The following ARHGEF18 variants were observed in gnomAD, a reference collection of about 807,000 sequenced individuals.
ARHGEF18 encodes Rho/Rac guanine nucleotide exchange factor 18.
A neutral mutation model predicts 155.7 loss-of-function variants in ARHGEF18; 93 were observed. The ratio of observed to expected loss-of-function variants is 0.60; its 90% confidence interval spans 0.50 to 0.71. The LOEUF (loss-of-function observed/expected upper bound fraction) is 0.71, where lower values mean the gene tolerates loss of function less well. Ranked by LOEUF, ARHGEF18 falls within the 30% of genes least tolerant of loss-of-function variation. ARHGEF18 has a pLI of 0.00. For synonymous variants in ARHGEF18, 742 were observed against 753.1 expected (o/e 0.99, Z 0.24); for missense variants, 1,593 against 1,816.1 (o/e 0.88, Z 2.23).
At chr19:7,362,650 C>T in intron 1 of ARHGEF18, 131 bp from the exon 2 acceptor site, 1 of 806,860 alleles carries the variant, frequency 1.2e-6, no homozygotes, top group Non-Finnish European at 1.7e-6. Context: ...CTTCCCCCTC[C>T]CCTCACCAAC....
At chr19:7,365,850 C>G (rs1969864386) in intron 2 of ARHGEF18, among the ~76,000 whole-genome samples, 1 of 152,218 alleles carries the variant, frequency 6.6e-6, no homozygotes, top group Admixed American at 6.5e-5. Flanking sequence ...TGGTCCCCGT[C>G]ATGGCTCCCC....
chr19:7,417,129 C>A (rs1032661593), intron 10 of ARHGEF18, among the ~76,000 whole-genome samples: 1 of 152,052 alleles, frequency 6.6e-6, no homozygotes, highest in Non-Finnish European at 1.5e-5. Context: ...AGGCTGGTCT[C>A]GAACTCCTGA....
rs201984212 is a variant in ARHGEF18, at chr19:7,468,937, C to T, written c.3593C>T (p.Ala1198Val). Residue 1198 changes from alanine (A) to valine (V), a missense_variant, in exon 27 of 29, where the codon GCT (alanine) becomes GTT (valine). By Grantham distance (64) the Ala-to-Val change is moderately conservative (BLOSUM62 0). Transcript: ENST00000668164. ...GPEYAERPEV[A>V]RRDSAPTENR... The stretch of plus-strand genomic sequence containing the variant: ...GAGTACGCAGAGCGCCCCGAGGTGG[C>T]TCGCCGGGACAGCGCCCCCACCGAG... The T allele has an allele frequency of 0.01, 15,743 of 1,574,124 alleles. 100 individuals are homozygous for T. Among genetic ancestry groups the T allele is most frequent in the Non-Finnish European group, 0.013 (14,566 of 1,161,570 alleles).
At chr19:7,414,109 C>T (rs1243802731) in intron 10 of ARHGEF18, among the ~76,000 whole-genome samples, 1 of 152,040 alleles carries the variant, frequency 6.6e-6, no homozygotes. Context: ...TGGGATGGGA[C>T]CTACCTGGGC....
rs772397146 is a variant in ARHGEF18 at position 7,469,163 on chromosome 19, G to A, written c.3787+32G>A. ...CGGCCCCACCCCTTCGCCTGGGCCTGGAAGGTGCAACTGGTCAGGCTCTAG... is the reference window on the plus strand; with the variant it reads ...CGGCCCCACCCCTTCGCCTGGGCCTAGAAGGTGCAACTGGTCAGGCTCTAG... On this transcript the variant is annotated intron_variant, in intron 27 of 28. Coordinates refer to ENST00000668164, the MANE Select transcript of ARHGEF18 (RefSeq NM_001367823.1). The A allele has an allele frequency of 3.2e-6, 5 of 1,545,714 alleles. No individual in the cohort carries two copies. The African/African-American group carries it at 5.4e-5, about 17-fold the overall frequency.
chr19:7,381,807 G>A (rs1970758283), intron 8 of ARHGEF18, among the ~76,000 whole-genome samples: 1 of 152,152 alleles, frequency 6.6e-6, no homozygotes, highest in Non-Finnish European at 1.5e-5. Context: ...AGACAGGGCT[G>A]GAGGTCCCTG....
At chr19:7,473,951 C>T (rs571462249), downstream of ARHGEF18, among the ~76,000 whole-genome samples, 15 of 151,270 alleles carry the variant, frequency 9.9e-5, no homozygotes, top group Non-Finnish European at 1.9e-4. Context: ...CCACTGCACT[C>T]CAGCCTAGGC....
At chr19:7,390,444 G>A (rs1355772408) in intron 10 of ARHGEF18, 1 of 151,706 alleles carries the variant, frequency 6.6e-6, no homozygotes, top group Non-Finnish European at 1.5e-5. Context: ...AAGAGGTGGA[G>A]GTTGCAGTGA....
chr19:7,465,787 A>T (rs1319754727), intron 23 of ARHGEF18, among the ~76,000 whole-genome samples: 3 of 152,186 alleles, frequency 2.0e-5, no homozygotes, highest in South Asian at 4.1e-4. Context: ...AAATATTTTT[A>T]AAATAGCTGA....
chr19:7,460,791 ATCT>A (rs1418211553), intron 20 of ARHGEF18, among the ~76,000 whole-genome samples: 1 of 148,266 alleles, frequency 6.7e-6, no homozygotes, highest in Non-Finnish European at 1.5e-5. Context: ...TTTTTATTTT[ATCT>A]TCTTTTTTTT....
Position 7,470,715 on chromosome 19 carries a change from G to A in ARHGEF18, c.*417G>A, listed in dbSNP as rs146648222. ...GACCTTGCTTTGAGAAGGAGCTGCC[G>A]GCCGGGGCCACGCTCCACAGCCGCC... On this transcript the variant is annotated 3_prime_UTR_variant, in exon 29 of 29. Coordinates refer to ENST00000668164, the MANE Select transcript of ARHGEF18 (RefSeq NM_001367823.1). The surrounding 1 kb of genome is among the most constrained non-coding windows in gnomAD (Gnocchi z 5.9). 1.5e-4 allele frequency: 61 copies of A among 400,440 alleles called. No individual in the cohort carries two copies. The highest frequency in any genetic ancestry group is 4.4e-4 in the Admixed American group (10 of 22,704). The allele number at this position is 400,440 out of a possible 1,614,324, so 24.8% of individuals were successfully genotyped here.
In ARHGEF18 at chr19:7,434,518, C is replaced by T. The variant is rs553444513; in HGVS notation, c.968-5826C>T. On this transcript the variant is annotated intron_variant, in intron 10 of 28. Transcript: ENST00000668164. ...CACAGCGGGCCAGGTGCTCACTAATCGATCGCACCTCTCAGCAGTGGGCAG... is the reference window on the plus strand; with the variant it reads ...CACAGCGGGCCAGGTGCTCACTAATTGATCGCACCTCTCAGCAGTGGGCAG... Among the ~76,000 whole-genome samples the T allele has an allele frequency of 3.9e-5, 6 of 152,290 alleles. 1 individual carries two copies. The South Asian group carries it at 8.3e-4, about 21-fold the overall frequency.
At chr19:7,350,435 CT>C (rs1969126070) in intron 1 of ARHGEF18, among the ~76,000 whole-genome samples, 1 of 152,140 alleles carries the variant, frequency 6.6e-6, no homozygotes, top group South Asian at 2.1e-4. Flanking sequence ...TTTCAACTCC[CT>C]TGCTGTGACT....
intron 10 of ARHGEF18, among the ~76,000 whole-genome samples, chr19:7,406,275 G>C (rs986502606): frequency 2.6e-5 from 4 of 152,130 alleles, no homozygotes; most frequent in South Asian, 4.1e-4. Context: ...AGTAGAGACA[G>C]GGTTTCACCA....
rs551944258 is a variant in ARHGEF18, at chr19:7,459,939, C to G, written c.2397C>G (p.Pro799=). Residue 799 remains proline, a synonymous_variant, in exon 20 of 29, where the codon CCC becomes CCG. Coordinates refer to ENST00000668164, the MANE Select transcript of ARHGEF18 (RefSeq NM_001367823.1). ...AGGAGGAGGGGCCCTTCAGCCTGCCCGAAGAGGAAAGGAAGGTGGTCGAGG... is the reference window on the plus strand; with the variant it reads ...AGGAGGAGGGGCCCTTCAGCCTGCCGGAAGAGGAAAGGAAGGTGGTCGAGG... The part of the protein sequence containing the change: ...PDEEEGPFSL[P]EEERKVVEAR... 3.1e-6 allele frequency: 5 copies of G among 1,589,986 alleles called. No homozygotes were observed. The highest frequency in any genetic ancestry group is 3.5e-5 in the Admixed American group (2 of 56,848).
intron 10 of ARHGEF18, among the ~76,000 whole-genome samples, chr19:7,392,308 A>G (rs527803415): frequency 6.6e-6 from 1 of 151,354 alleles, no homozygotes; most frequent in Non-Finnish European, 1.5e-5. Context: ...AAGATGGGAG[A>G]TGTTTCTCCT....
chr19:7,468,570 G>T (rs1238759148), intron 26 of ARHGEF18, among the ~76,000 whole-genome samples: 1 of 152,176 alleles, frequency 6.6e-6, no homozygotes, highest in Non-Finnish European at 1.5e-5. Context: ...TGGGTTCTGT[G>T]AACAGATGTG....
At chr19:7,477,194 C>T (rs532374441), downstream of ARHGEF18, 53 of 1,468,918 alleles carry the variant, frequency 3.6e-5, no homozygotes, top group Admixed American at 1.1e-3. Flanking sequence ...TGTGCTCTTC[C>T]GGCAGTGTCA....
In ARHGEF18 at chr19:7,437,284, C is replaced by T. The variant is rs549105026; in HGVS notation, c.968-3060C>T. Reference sequence around the variant, plus strand: ...TCTCTACTAAAAATACAAAATTAGCCGGGTGTGGTGGCACATGCCTGTAAT... The same window carrying T: ...TCTCTACTAAAAATACAAAATTAGCTGGGTGTGGTGGCACATGCCTGTAAT... On this transcript the variant is annotated intron_variant, in intron 10 of 28. Coordinates refer to ENST00000668164, the MANE Select transcript of ARHGEF18 (RefSeq NM_001367823.1). 4.6e-5 allele frequency among the ~76,000 whole-genome samples: 7 copies of T among 151,394 alleles called. No homozygotes were observed. In the South Asian group the frequency reaches 6.3e-4, roughly 14 times the overall value.
Sources: gnomAD v4.1 joint callset for allele counts (sites outside exome capture counted in the v4.1 genomes callset) on GRCh38, gnomAD v4.1.1 for gene constraint, Gnocchi (gnomAD v3.1) non-coding constraint, MANE v1.5 for transcripts, NCBI Gene and HGNC (gene_info 2026-07-23, HGNC 2026-07-21) for gene names.